SNAPC1: variants seen among roughly 807,000 people sequenced by gnomAD.
SNAPC1 encodes the protein snRNA-activating protein complex subunit 1.
Under a neutral mutation model 50.1 loss-of-function variants are expected in SNAPC1, and 42 were observed. The observed-to-expected ratio is 0.84, with a 90% CI of 0.65 to 1.08. SNAPC1 has a LOEUF of 1.08. Among genes scored for constraint, SNAPC1 ranks in the 50% least tolerant of loss-of-function variants. SNAPC1 has a pLI of 0.00. For synonymous variants in SNAPC1, 164 were observed against 144.2 expected, an observed-to-expected ratio of 1.14 and a Z score of -0.98; for missense variants, 477 against 427.3, an observed-to-expected ratio of 1.12 and a Z score of -1.02.
intron 8 of SNAPC1, among the ~76,000 whole-genome samples, chr14:61,787,472 C>T (rs1014011305): frequency 2.0e-5 from 3 of 151,656 alleles, no homozygotes; most frequent in African/African-American, 4.8e-5. Context: ...TTTCCAGTAT[C>T]GCACAGCCCC....
rs908076651 is a variant in SNAPC1 at position 61,776,261 on chromosome 14, A to G, written c.693+8A>G. ...TGGCACAAAGACAGAAAGGTATGCAATCACTTGTTTGGTGCCTCACCATTG... is the reference window on the plus strand; with the variant it reads ...TGGCACAAAGACAGAAAGGTATGCAGTCACTTGTTTGGTGCCTCACCATTG... On this transcript the variant is annotated splice_region_variant and intron_variant, in intron 5 of 9. Transcript: ENST00000216294. 15 of 1,608,028 alleles carry G rather than the reference A, an allele frequency of 9.3e-6. No homozygotes were observed. The highest frequency in any genetic ancestry group is 1.7e-4 in the Middle Eastern group (1 of 6,048).
chr14:61,787,957 T>C (rs569636781), intron 8 of SNAPC1, among the ~76,000 whole-genome samples: 3 of 152,292 alleles, frequency 2.0e-5, no homozygotes, highest in South Asian at 2.1e-4. Context: ...AATTTTTTAA[T>C]GTGGTTGGGG....
chr14:61,779,428 A>G (rs1037424706), intron 7 of SNAPC1, among the ~76,000 whole-genome samples: 2 of 151,084 alleles, frequency 1.3e-5, no homozygotes, highest in Non-Finnish European at 2.9e-5. Context: ...TTCTATTTCC[A>G]GTCTCTGTCT....
At chr14:61,762,797 C>T (rs556313497) in intron 1 of SNAPC1, among the ~76,000 whole-genome samples, 26 of 152,068 alleles carry the variant, frequency 1.7e-4, no homozygotes, top group African/African-American at 6.0e-4. Flanking sequence ...TTGCGGCCTC[C>T]TCCCAAATAT....
At chr14:61,772,807 A>G (rs2045002662) in intron 4 of SNAPC1, among the ~76,000 whole-genome samples, 1 of 152,226 alleles carries the variant, frequency 6.6e-6, no homozygotes, top group African/African-American at 2.4e-5. Context: ...TTGATGAACA[A>G]AGGTCTACTC....
chr14:61,794,959 A>T lies in SNAPC1; in HGVS notation c.1083A>T (p.Ala361=), dbSNP rs752354558. The change falls in exon 10 of 10, where the codon GCA becomes GCT. Residue 361 remains alanine, a synonymous_variant. Coordinates refer to ENST00000216294, the MANE Select transcript of SNAPC1 (RefSeq NM_003082.4). ...NESLSGTEFT[A]SKKRRKH ...ACTTTATGTCTTTAGAGTTCACTGC[A>T]TCCAAGAAGAGGAGAAAACACTGAA... The T allele has an allele frequency of 1.3e-6, 2 of 1,582,944 alleles. No individual in the cohort carries two copies. The highest frequency in any genetic ancestry group is 3.8e-5 in the Admixed American group (2 of 53,154).
chr14:61,762,557 T>C lies in SNAPC1; in HGVS notation c.97T>C (p.Trp33Arg). The C allele has an allele frequency of 6.6e-7, 1 of 1,505,902 alleles. No homozygotes were observed. The highest frequency in any genetic ancestry group is 8.9e-7 in the Non-Finnish European group (1 of 1,128,270). The allele number at this position is 1,505,902 out of a possible 1,614,324, so 93.3% of individuals were successfully genotyped here. ...SVRFEDFTEL[W>R]RNMKFGTIFC... ...ACGCTTCGAGGACTTCACGGAGCTC[T>C]GGAGAAACATGAAGTTCGGGACTAT... is the stretch of plus-strand genomic sequence containing the variant. Residue 33 changes from tryptophan (W) to arginine (R), a missense_variant, in exon 1 of 10, where the codon TGG becomes CGG. Physicochemically the swap from Trp to Arg is moderately radical, Grantham distance 101. Coordinates refer to ENST00000216294, the MANE Select transcript of SNAPC1 (RefSeq NM_003082.4).
chr14:61,764,202 C>CTCTGTGA (rs2044930608), intron 1 of SNAPC1, among the ~76,000 whole-genome samples: 1 of 152,268 alleles, frequency 6.6e-6, no homozygotes, highest in African/African-American at 2.4e-5. Flanking sequence ...CTAGACTGAC[C>CTCTGTGA]TCTGTGAGGA....
chr14:61,776,121 T>A lies in SNAPC1; in HGVS notation c.561T>A (p.Tyr187Ter). Residue 187 changes from tyrosine (Y) to a stop codon, truncating the protein, a stop_gained, in exon 5 of 10, where the codon TAT (tyrosine) becomes TAA (stop). Coordinates refer to ENST00000216294, the MANE Select transcript of SNAPC1 (RefSeq NM_003082.4). LOFTEE classifies it high-confidence loss of function. The part of the protein sequence containing the change: ...LEEMLNVHDH[Y>*]QNMKHVISVD... The stretch of plus-strand genomic sequence containing the variant: ...AAATGCTGAATGTTCATGATCATTA[T>A]CAGAACATGAAACATGTAATTTCAG... 2 of 1,600,590 alleles carry A rather than the reference T, an allele frequency of 1.2e-6. No individual in the cohort carries two copies. The highest frequency in any genetic ancestry group is 2.3e-5 in the South Asian group (2 of 88,004).
chr14:61,790,127 A>T (rs1397626177), intron 8 of SNAPC1, among the ~76,000 whole-genome samples: 2 of 152,146 alleles, frequency 1.3e-5, no homozygotes, highest in African/African-American at 4.8e-5. Context: ...CATTGGGGGG[A>T]GAATTCGCTC....
At chr14:61,783,412 A>G (rs186877753) in intron 8 of SNAPC1, among the ~76,000 whole-genome samples, 26 of 151,578 alleles carry the variant, frequency 1.7e-4, no homozygotes, top group Admixed American at 4.6e-4. Context: ...CATTCTATAA[A>G]CCATGTTTCT....
chr14:61,768,074 C>T (rs546785113), intron 3 of SNAPC1, among the ~76,000 whole-genome samples: 46 of 152,344 alleles, frequency 3.0e-4, no homozygotes, highest in African/African-American at 1.0e-3. Context: ...CCACCATGCC[C>T]GGCCTTGTAG....
intron 8 of SNAPC1, among the ~76,000 whole-genome samples, chr14:61,783,017 A>ATTT (rs767793462): frequency 0.048 from 5,568 of 114,858 alleles, 247 homozygotes; most frequent in South Asian, 0.065. Flanking sequence ...TTTCCAGTGC[A>ATTT]TTTTTTTTTT....
At chr14:61,778,264 AGTTTGTTCTTTACTG>A in intron 6 of SNAPC1, 124 bp downstream of exon 6, 1 of 569,152 alleles carries the variant, frequency 1.8e-6, no homozygotes, top group Non-Finnish European at 3.0e-6. Flanking sequence ...GTGAAAAGGT[AGTTTGTTCTTTACTG>A]GAAGCCTTGT....
In SNAPC1 at chr14:61,767,042, C is replaced by A; in HGVS notation, c.288+7C>A. ...GTGTCAACCAAAACAAAAGGTAATA[C>A]TTAGTGAGTTATTTTTCCTTAGCAG... On this transcript the variant is annotated splice_region_variant and intron_variant, in intron 2 of 9. Coordinates refer to ENST00000216294, the MANE Select transcript of SNAPC1 (RefSeq NM_003082.4). The A allele has an allele frequency of 1.3e-6, 2 of 1,492,600 alleles. No individual in the cohort carries two copies. Among genetic ancestry groups the A allele is most frequent in the Non-Finnish European group, 1.8e-6 (2 of 1,113,006 alleles). 92.5% of individuals were successfully genotyped at this position (1,492,600 alleles called of 1,614,324 possible). A position where few individuals can be genotyped will look rare whatever the true frequency, so the allele number is the denominator to read the frequency against.
chr14:61,765,303 G>A (rs548840705), intron 1 of SNAPC1, among the ~76,000 whole-genome samples: 1 of 152,230 alleles, frequency 6.6e-6, no homozygotes, highest in South Asian at 2.1e-4. Context: ...TTTGAGACAC[G>A]TCTCAGTTAA....
chr14:61,778,185 T>C (rs904660493), intron 6 of SNAPC1, 45 bp downstream of exon 6: 1 of 1,128,302 alleles, frequency 8.9e-7, no homozygotes, highest in Non-Finnish European at 1.3e-6. Context: ...TGTGATTCTG[T>C]ATACTGAGCA....
chr14:61,789,450 A>G (rs975140180), intron 8 of SNAPC1, among the ~76,000 whole-genome samples: 1 of 152,208 alleles, frequency 6.6e-6, no homozygotes, highest in South Asian at 2.1e-4. Context: ...AAGTATTACC[A>G]GTGGTTAATT....
chr14:61,790,222 T>C (rs1284441608), intron 8 of SNAPC1, among the ~76,000 whole-genome samples: 1 of 152,202 alleles, frequency 6.6e-6, no homozygotes, highest in Non-Finnish European at 1.5e-5. Context: ...TTACTTAAGC[T>C]TATGTTATTT....
Sources: allele counts gnomAD v4.1 joint callset (sites outside exome capture counted in the v4.1 genomes callset), GRCh38; gene constraint gnomAD v4.1.1; transcripts MANE v1.5; gene names NCBI Gene and HGNC (gene_info 2026-07-23, HGNC 2026-07-21).